The following SEPTIN9 variants were observed in gnomAD, a reference collection of about 807,000 sequenced individuals.
The protein encoded by SEPTIN9 is septin 9, also known as septin-9.
A neutral mutation model predicts 56.6 loss-of-function variants in SEPTIN9; 13 were observed. The ratio of observed to expected loss-of-function variants is 0.23; its 90% confidence interval spans 0.15 to 0.37. The LOEUF (loss-of-function observed/expected upper bound fraction) is 0.37, where lower values mean the gene tolerates loss of function less well. SEPTIN9 is among the 10% of genes least tolerant of loss of function. SEPTIN9 has a pLI of 1.00. For synonymous variants in SEPTIN9, 332 were observed against 334.1 expected (o/e 0.99, Z 0.07); for missense variants, 650 against 823.1 (o/e 0.79, Z 2.57).
At chr17:77,442,662 C>G (rs910192863) in intron 3 of SEPTIN9, among the ~76,000 whole-genome samples, 1 of 151,522 alleles carries the variant, frequency 6.6e-6, no homozygotes, top group Non-Finnish European at 1.5e-5. Context: ...CACCTGAGGT[C>G]GGGAATTCAA....
chr17:77,423,295 C>T (rs2036769205), intron 3 of SEPTIN9, among the ~76,000 whole-genome samples: 4 of 152,174 alleles, frequency 2.6e-5, no homozygotes, highest in Admixed American at 1.3e-4. Context: ...CTCAGCCTCC[C>T]AAAGTGCTGG....
At chr17:77,281,854 C>A in intron 1 of SEPTIN9, 1 of 433,848 alleles carries the variant, frequency 2.3e-6, no homozygotes, top group Non-Finnish European at 4.1e-6. Context: ...CCAGGTCGGC[C>A]GGGTGCTTTG....
intron 11 of SEPTIN9, chr17:77,497,698 C>T (rs766016065): frequency 8.6e-5 from 38 of 442,482 alleles, no homozygotes; most frequent in Non-Finnish European, 1.4e-4. Context: ...CTGCCGGCAG[C>T]GTGGGGCGTC....
chr17:77,380,562 G>A (rs1303226002), intron 2 of SEPTIN9, among the ~76,000 whole-genome samples: 1 of 152,054 alleles, frequency 6.6e-6, no homozygotes, highest in Admixed American at 6.5e-5. Context: ...ACATGGCATC[G>A]AATTTCCTGT....
At chr17:77,325,318 A>G (rs1460348366) in intron 2 of SEPTIN9, among the ~76,000 whole-genome samples, 1 of 152,072 alleles carries the variant, frequency 6.6e-6, no homozygotes, top group Non-Finnish European at 1.5e-5. Flanking sequence ...TGATTTTTGC[A>G]TGTGGTGTAA....
intron 3 of SEPTIN9, chr17:77,466,648 C>T: frequency 1.1e-6 from 1 of 946,524 alleles, no homozygotes; most frequent in Non-Finnish European, 1.3e-6. Flanking sequence ...CCAGAAGGCA[C>T]ACAGGGTCGG....
rs1261817633 is a variant in SEPTIN9, at chr17:77,400,011, G to A, written c.77-2048G>A. ...TTTTAGTTTGTGGAGACAGAGTCTC[G>A]CTCTGTCAGTCAGGCTGAGTGCAGT... On this transcript the variant is annotated intron_variant, in intron 2 of 11. Coordinates refer to ENST00000427177, the MANE Select transcript of SEPTIN9 (RefSeq NM_001113491.2). The surrounding 1 kb of genome is among the most constrained non-coding windows in gnomAD (Gnocchi z 4.1). 2.0e-5 allele frequency among the ~76,000 whole-genome samples: 3 copies of A among 152,102 alleles called. No homozygotes were observed. Among genetic ancestry groups the A allele is most frequent in the Non-Finnish European group, 4.4e-5 (3 of 68,014 alleles).
At chr17:77,314,471 AC>A (rs2143628927) in intron 2 of SEPTIN9, among the ~76,000 whole-genome samples, 1 of 149,512 alleles carries the variant, frequency 6.7e-6, no homozygotes, top group South Asian at 2.1e-4. Flanking sequence ...GGTGTGAGCC[AC>A]CACACCCAGC....
intron 1 of SEPTIN9, among the ~76,000 whole-genome samples, chr17:77,301,902 C>A (rs943695336): frequency 6.6e-6 from 1 of 152,156 alleles, no homozygotes; most frequent in Non-Finnish European, 1.5e-5. Flanking sequence ...GGCGGTGTCA[C>A]CCTCCTCTGA....
At chr17:77,299,107 G>GTTTTTTAAT in intron 1 of SEPTIN9, among the ~76,000 whole-genome samples, 1 of 152,222 alleles carries the variant, frequency 6.6e-6, no homozygotes, top group East Asian at 1.9e-4. Flanking sequence ...GTGAAGCTGA[G>GTTTTTTAAT]GCTCAGGAGA....
chr17:77,367,713 G>T lies in SEPTIN9; in HGVS notation c.77-34346G>T, dbSNP rs908587633. Among the ~76,000 whole-genome samples, 2 of 152,132 alleles carry T rather than the reference G, an allele frequency of 1.3e-5. No homozygotes were observed. Among genetic ancestry groups the T allele is most frequent in the Admixed American group, 1.3e-4 (2 of 15,268 alleles). On this transcript the variant is annotated intron_variant, in intron 2 of 11. Coordinates refer to ENST00000427177, the MANE Select transcript of SEPTIN9 (RefSeq NM_001113491.2). The surrounding 1 kb of genome is among the most constrained non-coding windows in gnomAD (Gnocchi z 4.5). ...TGCCTGTAATCCCAGCTACTCGGGA[G>T]GCTGAGGCAGGAGAATTGCTCCGAT...
chr17:77,399,019 G>A (rs369737296), intron 2 of SEPTIN9, among the ~76,000 whole-genome samples: 4 of 152,150 alleles, frequency 2.6e-5, no homozygotes, highest in Non-Finnish European at 5.9e-5. Flanking sequence ...TGCATTTTGC[G>A]CAGATGGCCA....
rs547216260 is a variant in SEPTIN9, at chr17:77,499,570, G to A, written c.*912G>A. The A allele has an allele frequency of 5.0e-4, 227 of 450,938 alleles. No homozygotes were observed. The highest frequency in any genetic ancestry group is 7.9e-4 in the Non-Finnish European group (186 of 235,638). The allele number at this position is 450,938 out of a possible 1,614,324, so 27.9% of individuals were successfully genotyped here. On this transcript the variant is annotated 3_prime_UTR_variant, in exon 12 of 12. Transcript: ENST00000427177. The stretch of plus-strand genomic sequence containing the variant: ...CCAGAAGGAAGGTTGGCGGGGGCAC[G>A]TGTGGGCCGTGGCTTGGGCTGGTCA...
At position 77,309,567 on chromosome 17, in the gene SEPTIN9, T is replaced by TCTGTAGATCCACATCTGG. The variant is rs553344658; in HGVS notation, c.76+2372_76+2389dup. On this transcript the variant is annotated intron_variant, in intron 2 of 11. Coordinates refer to ENST00000427177, the MANE Select transcript of SEPTIN9 (RefSeq NM_001113491.2). ...CATCCCATCCTCCCAGCCCAGCTTC[T>TCTGTAGATCCACATCTGG]CTGTAGATCCACATCTGGCCAATCT... Among the ~76,000 whole-genome samples, 32 of 152,296 alleles carry TCTGTAGATCCACATCTGG rather than the reference T, an allele frequency of 2.1e-4. No individual in the cohort carries two copies. In the South Asian group the frequency reaches 6.0e-3, roughly 29 times the overall value.
chr17:77,492,571 G>A lies in SEPTIN9; in HGVS notation c.1381-50G>A. 1 of 1,537,276 alleles carries A rather than the reference G, an allele frequency of 6.5e-7. No homozygotes were observed. Among genetic ancestry groups the A allele is most frequent in the Non-Finnish European group, 9.0e-7 (1 of 1,110,122 alleles). ...GTCATGTGGCAAACACCAGTGGGTG[G>A]GTAGAGCTTGCCACAGGGATGGGCC... On this transcript the variant is annotated intron_variant, in intron 8 of 11. Coordinates refer to ENST00000427177, the MANE Select transcript of SEPTIN9 (RefSeq NM_001113491.2). This position sits in a 1 kb window ranked among gnomAD's most constrained non-coding sequence, Gnocchi z 5.4.
Position 77,475,948 on chromosome 17 carries a change from G to A in SEPTIN9, c.722-6196G>A, listed in dbSNP as rs2039196484. 5 of 1,576,082 alleles carry A rather than the reference G, an allele frequency of 3.2e-6. No homozygotes were observed. Among genetic ancestry groups the A allele is most frequent in the Admixed American group, 1.7e-5 (1 of 58,378 alleles). ...TTTCGGTCCGTGCTCTGAGAGCCAG[G>A]TGTGGGTTGGGTTTGGGGAAGACAG... On this transcript the variant is annotated intron_variant, in intron 3 of 11. Coordinates refer to ENST00000427177, the MANE Select transcript of SEPTIN9 (RefSeq NM_001113491.2). The surrounding 1 kb of genome is among the most constrained non-coding windows in gnomAD (Gnocchi z 4.6).
At chr17:77,298,200 T>C (rs2031899045) in intron 1 of SEPTIN9, among the ~76,000 whole-genome samples, 1 of 152,226 alleles carries the variant, frequency 6.6e-6, no homozygotes, top group Non-Finnish European at 1.5e-5. Flanking sequence ...TGGCTGTTCT[T>C]GTTATTACTA....
Position 77,487,461 on chromosome 17 carries a change from C to A in SEPTIN9, c.951C>A (p.Thr317=). The A allele has an allele frequency of 6.2e-7, 1 of 1,610,704 alleles. No homozygotes were observed. Among genetic ancestry groups the A allele is most frequent in the Admixed American group, 1.7e-5 (1 of 59,498 alleles). ...TGGGTAAATCCACCTTAATCAACAC[C>A]CTCTTCAAATCCAAAATCAGCCGGA... is the stretch of plus-strand genomic sequence containing the variant. The part of the protein sequence containing the change: ...SGLGKSTLIN[T]LFKSKISRKS... Residue 317 remains threonine, a synonymous_variant, in exon 5 of 12, where the codon ACC becomes ACA. Coordinates refer to ENST00000427177, the MANE Select transcript of SEPTIN9 (RefSeq NM_001113491.2). The surrounding 1 kb of genome is among the most constrained non-coding windows in gnomAD (Gnocchi z 4.3).
intron 2 of SEPTIN9, 138 bp from the exon 3 acceptor site, chr17:77,401,921 G>A: frequency 1.3e-6 from 1 of 798,530 alleles, no homozygotes; most frequent in Non-Finnish European, 2.0e-6. Context: ...CGCTTGCTGA[G>A]ACATGAAGGA....
Sources: allele counts gnomAD v4.1 joint callset (sites outside exome capture counted in the v4.1 genomes callset), GRCh38; gene constraint gnomAD v4.1.1; non-coding constraint Gnocchi (gnomAD v3.1); transcripts MANE v1.5; gene names NCBI Gene and HGNC (gene_info 2026-07-23, HGNC 2026-07-21).